Variants in ZNF112 observed in about 807,000 individuals in gnomAD.
The protein encoded by ZNF112 is zinc finger protein 112.
Under a neutral mutation model 77.7 loss-of-function variants are expected in ZNF112, and 37 were observed. The ratio of observed to expected loss-of-function variants is 0.48; its 90% confidence interval spans 0.37 to 0.63. The LOEUF is 0.63. Among genes scored for constraint, ZNF112 ranks in the 20% least tolerant of loss-of-function variants. The pLI is 0.00. For missense variants in ZNF112, 950 were observed against 1,077.4 expected (o/e 0.88, Z 1.66); for synonymous variants, 333 against 363.6 (o/e 0.92, Z 0.96).
rs746303704 is a variant in ZNF112 at position 44,329,174 on chromosome 19, C to T, written c.983G>A (p.Gly328Asp). The T allele has an allele frequency of 6.2e-7, 1 of 1,613,880 alleles. No homozygotes were observed. Among genetic ancestry groups the T allele is most frequent in the Non-Finnish European group, 8.5e-7 (1 of 1,179,998 alleles). Reference protein sequence around the residue: ...VHTEEKPCKCGEYGENFNHCS... With the variant: ...VHTEEKPCKCDEYGENFNHCS... ...GTGATTGAAGTTCTCACCATATTCACCACATTTGCATGGTTTCTCCTCTGT... is the reference window on the plus strand; with the variant it reads ...GTGATTGAAGTTCTCACCATATTCATCACATTTGCATGGTTTCTCCTCTGT... Residue 328 changes from glycine (G) to aspartate (D), a missense_variant, in exon 4 of 4, where the codon GGT becomes GAT. By Grantham distance (94) the Gly-to-Asp change is moderately conservative. This residue lies in a region of ZNF112 where 560 missense variants were observed against 557.3 expected (regional missense o/e 1.00). Transcript: ENST00000354340.
chr19:44,343,379 G>A (rs1361688950), intron 1 of ZNF112: 2 of 1,233,914 alleles, frequency 1.6e-6, no homozygotes, highest in South Asian at 2.6e-5. Flanking sequence ...ATTAGAAAAA[G>A]GTGTCCCTTC....
Position 44,329,269 on chromosome 19 carries a change from A to G in ZNF112, c.888T>C (p.His296=), listed in dbSNP as rs1970214667. 6.2e-7 allele frequency: 1 copy of G among 1,613,964 alleles called. No individual in the cohort carries two copies. The highest frequency in any genetic ancestry group is 1.7e-5 in the Admixed American group (1 of 59,982). Residue 296 remains histidine, a synonymous_variant, in exon 4 of 4, where the codon CAT becomes CAC. Transcript: ENST00000354340. ...GKGCNYSSLL[H]IHQNIEREDD... ...CTTCTCTCTCAATATTTTGATGAAT[A>G]TGAAGAAGTGAACTATAATTACAGC...
At chr19:44,336,601 G>A (rs370467420) in intron 3 of ZNF112, 22 bp downstream of exon 3, 3 of 1,593,750 alleles carry the variant, frequency 1.9e-6, no homozygotes, top group Non-Finnish European at 1.7e-6. Context: ...TGGCTGCTGT[G>A]TTCCTGCAGC....
At chr19:44,345,349 C>A (rs1450735398) in intron 1 of ZNF112, among the ~76,000 whole-genome samples, 1 of 152,158 alleles carries the variant, frequency 6.6e-6, no homozygotes, top group African/African-American at 2.4e-5. Context: ...GGGAGCCAGG[C>A]CTCTTGATTC....
At chr19:44,358,958 C>T (rs1970826659), upstream of ZNF112, among the ~76,000 whole-genome samples, 1 of 152,154 alleles carries the variant, frequency 6.6e-6, no homozygotes, top group African/African-American at 2.4e-5. Context: ...CCTGTGCCTG[C>T]CAACCAGCAG....
At position 44,328,630 on chromosome 19, in the gene ZNF112, A is replaced by C; in HGVS notation, c.1527T>G (p.His509Gln). The change falls in exon 4 of 4, where the codon CAT (histidine) becomes CAG (glutamine). Residue 509 changes from histidine (H) to glutamine (Q), a missense_variant. Around this residue, in one of 3 missense-constraint regions of ZNF112, gnomAD observed 560 missense variants for 557.3 expected, o/e 1.00. Transcript: ENST00000354340. Reference protein sequence around the residue: ...GFNWSSKLKDHQRVHTGQKPY... With the variant: ...GFNWSSKLKDQQRVHTGQKPY... ...GCTTCTGTCCAGTGTGGACTCTCTG[A>C]TGATCTTTAAGTTTTGAGCTCCAGT... is the stretch of plus-strand genomic sequence containing the variant. The C allele has an allele frequency of 1.9e-6, 3 of 1,614,074 alleles. No homozygotes were observed. The highest frequency in any genetic ancestry group is 2.5e-6 in the Non-Finnish European group (3 of 1,180,002).
At chr19:44,339,362 A>AG in intron 2 of ZNF112, among the ~76,000 whole-genome samples, 1 of 152,316 alleles carries the variant, frequency 6.6e-6, no homozygotes, top group Admixed American at 6.5e-5. Flanking sequence ...GATTTATAGT[A>AG]GGGGCTTTGA....
In ZNF112 at chr19:44,327,475, T is replaced by C. The variant is rs1215656422; in HGVS notation, c.2682A>G (p.Ser894=). 1.9e-6 allele frequency: 3 copies of C among 1,609,586 alleles called. No homozygotes were observed. Among genetic ancestry groups the C allele is most frequent in the Non-Finnish European group, 1.7e-6 (2 of 1,177,892 alleles). Residue 894 remains serine, a synonymous_variant, in exon 4 of 4, where the codon TCA becomes TCG. Coordinates refer to ENST00000354340, the MANE Select transcript of ZNF112 (RefSeq NM_013380.4). The stretch of plus-strand genomic sequence containing the variant: ...CTTCATTTCTGTGTAGATTCTCTGA[T>C]GAAGGGTAGTCCTTACCATAGTCTT... ...KSEDYGKDYP[S]SENLHRNEDS...
chr19:44,329,397 A>G lies in ZNF112; in HGVS notation c.760T>C (p.Cys254Arg), dbSNP rs1267981094. 14 of 1,613,948 alleles carry G rather than the reference A, an allele frequency of 8.7e-6. No individual in the cohort carries two copies. The highest frequency in any genetic ancestry group is 1.1e-5 in the Non-Finnish European group (13 of 1,179,988). Reference sequence around the variant, plus strand: ...CTGAAGGCTTTTCTATACCCAGTACATGGATAGGGCTTCTCCTCTGTTTGA... The same window carrying G: ...CTGAAGGCTTTTCTATACCCAGTACGTGGATAGGGCTTCTCCTCTGTTTGA... ...SIQTEEKPYPCTGYRKAFSND... is the reference protein window; with the variant it reads ...SIQTEEKPYPRTGYRKAFSND... The change falls in exon 4 of 4, where the codon TGT (cysteine) becomes CGT (arginine). Residue 254 changes from cysteine (C) to arginine (R), a missense_variant. This residue lies in a region of ZNF112 where 560 missense variants were observed against 557.3 expected (regional missense o/e 1.00). Transcript: ENST00000354340.
chr19:44,335,570 C>T (rs749143144), intron 3 of ZNF112, among the ~76,000 whole-genome samples: 1 of 152,170 alleles, frequency 6.6e-6, no homozygotes, highest in Non-Finnish European at 1.5e-5. Flanking sequence ...AGCATGGCCT[C>T]GGCCTGTTTC....
intron 3 of ZNF112, among the ~76,000 whole-genome samples, chr19:44,334,821 T>C (rs1970336162): frequency 1.3e-5 from 2 of 152,214 alleles, no homozygotes; most frequent in Non-Finnish European, 2.9e-5. Context: ...AGAGGATTTA[T>C]AGAAACACCT....
chr19:44,339,569 G>A (rs921707162), intron 2 of ZNF112, among the ~76,000 whole-genome samples: 7 of 152,304 alleles, frequency 4.6e-5, no homozygotes, highest in African/African-American at 9.6e-5. Flanking sequence ...ACAACTCCAC[G>A]GAAGATGACA....
chr19:44,358,573 T>C (rs985809837), upstream of ZNF112, among the ~76,000 whole-genome samples: 2 of 152,330 alleles, frequency 1.3e-5, no homozygotes, highest in Non-Finnish European at 1.5e-5. Flanking sequence ...TGCAGCACTT[T>C]TGACACCTAT....
chr19:44,350,108 A>G lies in ZNF112; in HGVS notation c.-4+6518T>C, dbSNP rs117171409. ...TCTGCTAAGAAGTGTTAAAATTGAT[A>G]GTGGTAAAAGATATGTTGGAGCAGA... On this transcript the variant is annotated intron_variant, in intron 1 of 3. Coordinates refer to ENST00000354340, the MANE Select transcript of ZNF112 (RefSeq NM_013380.4). Among the ~76,000 whole-genome samples, 3 of 152,254 alleles carry G rather than the reference A, an allele frequency of 2.0e-5. No individual in the cohort carries two copies. In the East Asian group the frequency reaches 5.8e-4, roughly 29 times the overall value.
upstream of ZNF112, among the ~76,000 whole-genome samples, chr19:44,358,513 T>G (rs1286964034): frequency 6.6e-6 from 1 of 152,154 alleles, no homozygotes; most frequent in Non-Finnish European, 1.5e-5. Context: ...GGGGCTACTT[T>G]TCTCCTGGGG....
chr19:44,355,165 A>C (rs745929374), intron 1 of ZNF112, among the ~76,000 whole-genome samples: 1 of 152,202 alleles, frequency 6.6e-6, no homozygotes, highest in Non-Finnish European at 1.5e-5. Context: ...GTCATATTAC[A>C]TTTGGCTATG....
intron 2 of ZNF112, among the ~76,000 whole-genome samples, chr19:44,338,451 C>T (rs1183630608): frequency 6.6e-6 from 1 of 152,110 alleles, no homozygotes; most frequent in African/African-American, 2.4e-5. Flanking sequence ...TGCATAACAT[C>T]GTGACTGGGT....
intron 1 of ZNF112, among the ~76,000 whole-genome samples, chr19:44,366,423 A>G (rs558534494): frequency 6.6e-6 from 1 of 152,068 alleles, no homozygotes; most frequent in East Asian, 1.9e-4. Flanking sequence ...GTGCTAGCAG[A>G]ATGTGCTAAT....
chr19:44,353,155 A>T (rs1311782103), intron 1 of ZNF112, among the ~76,000 whole-genome samples: 1 of 152,130 alleles, frequency 6.6e-6, no homozygotes, highest in Non-Finnish European at 1.5e-5. Context: ...ATTTAGCAGA[A>T]CATGGTACAG....
Sources: gnomAD v4.1 joint callset for allele counts (sites outside exome capture counted in the v4.1 genomes callset) on GRCh38, gnomAD v4.1.1 for gene constraint, gnomAD v4.1.1 regional missense constraint, MANE v1.5 for transcripts, NCBI Gene and HGNC (gene_info 2026-07-23, HGNC 2026-07-21) for gene names.